Variants in C16orf46 observed in about 807,000 individuals in gnomAD.
C16orf46 encodes the protein chromosome 16 open reading frame 46.
Under a neutral mutation model 5.5 loss-of-function variants are expected in C16orf46, and 7 were observed. That is an observed-to-expected ratio of 1.28 (90% CI 0.73 to 2.40). C16orf46 has a LOEUF of 2.40. C16orf46 is among the 30% of genes most tolerant of loss of function. C16orf46 has a pLI of 0.00. For missense variants in C16orf46, 614 were observed against 476.0 expected (o/e 1.29, Z -2.70); for synonymous variants, 200 against 184.1 (o/e 1.09, Z -0.70).
chr16:81,065,190 C>T (rs543692316), intron 2 of C16orf46, among the ~76,000 whole-genome samples: 3 of 152,196 alleles, frequency 2.0e-5, no homozygotes, highest in Admixed American at 6.5e-5. Context: ...AGGGCTAAAG[C>T]GGCTGCATGC....
Position 81,061,115 on chromosome 16 carries a change from C to T in C16orf46, c.*46G>A. The T allele has an allele frequency of 6.5e-7, 1 of 1,528,954 alleles. No homozygotes were observed. The allele number at this position is 1,528,954 out of a possible 1,614,324, so 94.7% of individuals were successfully genotyped here. On this transcript the variant is annotated 3_prime_UTR_variant, in exon 4 of 4. Coordinates refer to ENST00000299578, the MANE Select transcript of C16orf46 (RefSeq NM_152337.3). ...GAGAGAGAAGAAAGAGAAAGGATGG[C>T]TGCATCTCAAACGGTGCTTATTCCC... is the stretch of plus-strand genomic sequence containing the variant.
rs1193613025 is a variant in C16orf46, at chr16:81,077,154, G to C, written c.-146C>G. On this transcript the variant is annotated 5_prime_UTR_variant, in exon 1 of 4. Coordinates refer to ENST00000299578, the MANE Select transcript of C16orf46 (RefSeq NM_152337.3). Reference sequence around the variant, plus strand: ...CACCTACCTGTGGGGCCAAGCGGATGGAAGGCCCCGAGACAGCTAGTCCCG... The same window carrying C: ...CACCTACCTGTGGGGCCAAGCGGATCGAAGGCCCCGAGACAGCTAGTCCCG... 1 of 152,456 alleles carries C rather than the reference G, an allele frequency of 6.6e-6. No individual in the cohort carries two copies. Among genetic ancestry groups the C allele is most frequent in the Non-Finnish European group, 1.5e-5 (1 of 68,202 alleles). 9.4% of individuals were successfully genotyped at this position (152,456 alleles called of 1,614,324 possible).
chr16:81,059,148 C>T (rs1235726649), downstream of C16orf46, among the ~76,000 whole-genome samples: 1 of 151,688 alleles, frequency 6.6e-6, no homozygotes, highest in Non-Finnish European at 1.5e-5. Flanking sequence ...TCCGGAAACC[C>T]AGTCTCTACT....
At chr16:81,068,248 G>C (rs1438666020) in intron 1 of C16orf46, among the ~76,000 whole-genome samples, 1 of 152,174 alleles carries the variant, frequency 6.6e-6, no homozygotes, top group Non-Finnish European at 1.5e-5. Context: ...AATGAACAAA[G>C]ACAACGGTTA....
chr16:81,061,819 A>G lies in C16orf46; in HGVS notation c.530T>C (p.Ile177Thr). Reference sequence around the variant, plus strand: ...GGCCTTGCCCCTATTAGTGCCGGGGATGGCCCAGTCTTTGTTGCACCAAAT... The same window carrying G: ...GGCCTTGCCCCTATTAGTGCCGGGGGTGGCCCAGTCTTTGTTGCACCAAAT... ...EFIWCNKDWA[I>T]PGTNRGKASG... Residue 177 changes from isoleucine to threonine, a missense_variant, in exon 4 of 4, where the codon ATC becomes ACC. By Grantham distance (89) the Ile-to-Thr change is moderately conservative (BLOSUM62 -1). Coordinates refer to ENST00000299578, the MANE Select transcript of C16orf46 (RefSeq NM_152337.3). 1.2e-6 allele frequency: 2 copies of G among 1,614,162 alleles called. No individual in the cohort carries two copies. The highest frequency in any genetic ancestry group is 1.3e-5 in the African/African-American group (1 of 75,052).
intron 1 of C16orf46, among the ~76,000 whole-genome samples, chr16:81,069,678 T>A (rs909900820): frequency 2.0e-5 from 3 of 152,146 alleles, no homozygotes; most frequent in Admixed American, 2.0e-4. Context: ...ACAAAGAAAA[T>A]AACCCATATC....
chr16:81,073,698 A>G (rs1331965082), intron 1 of C16orf46, among the ~76,000 whole-genome samples: 1 of 152,246 alleles, frequency 6.6e-6, no homozygotes, highest in Admixed American at 6.5e-5. Context: ...GAAGTCAGAG[A>G]TACAAAGCAC....
At position 81,063,941 on chromosome 16, in the gene C16orf46, C is replaced by G. The variant is rs780005894; in HGVS notation, c.15G>C (p.Gln5His). The change falls in exon 3 of 4, where the codon CAG becomes CAC. Residue 5 changes from glutamine to histidine, a missense_variant. Physicochemically the swap from Gln to His is conservative, Grantham distance 24. Coordinates refer to ENST00000299578, the MANE Select transcript of C16orf46 (RefSeq NM_152337.3). Reference sequence around the variant, plus strand: ...CATTTTCTAAGTCAGTCTCATTTTTCTGACAGAGATCCATTACTGTGATGC... The same window carrying G: ...CATTTTCTAAGTCAGTCTCATTTTTGTGACAGAGATCCATTACTGTGATGC... MDLC[Q>H]KNETDLENAE... The G allele has an allele frequency of 6.2e-7, 1 of 1,612,402 alleles. No individual in the cohort carries two copies. The highest frequency in any genetic ancestry group is 1.7e-5 in the Admixed American group (1 of 59,940).
In C16orf46 at chr16:81,061,632, C is replaced by T. The variant is rs1247028147; in HGVS notation, c.717G>A (p.Lys239=). Residue 239 remains lysine (K), a synonymous_variant, in exon 4 of 4, where the codon AAG becomes AAA. Transcript: ENST00000299578. The part of the protein sequence containing the change: ...SKNSFLQSEE[K]VLDVEKDGCV... ...ACCCATCCTTTTCCACATCCAGCAC[C>T]TTCTCTTCTGACTGCAAGAAAGAGT... 1 of 1,614,198 alleles carries T rather than the reference C, an allele frequency of 6.2e-7. No homozygotes were observed. The highest frequency in any genetic ancestry group is 1.7e-5 in the Admixed American group (1 of 60,022).
chr16:81,071,125 T>C (rs1213542041), intron 1 of C16orf46, among the ~76,000 whole-genome samples: 3 of 152,186 alleles, frequency 2.0e-5, no homozygotes, highest in Non-Finnish European at 4.4e-5. Context: ...GTTATATTTG[T>C]TCTGACCTCG....
intron 1 of C16orf46, chr16:81,072,227 A>G (rs1971879170): frequency 6.6e-6 from 1 of 151,890 alleles, no homozygotes; most frequent in Non-Finnish European, 1.5e-5. Flanking sequence ...TCTGTCCTAT[A>G]CAGGTAAGTA....
exon 4 of C16orf46, chr16:81,054,005 T>C (rs1971224270): frequency 6.6e-7 from 1 of 1,514,908 alleles, no homozygotes; most frequent in Non-Finnish European, 9.2e-7. Context: ...GGGTGAAATA[T>C]TTGCTTTTAT....
In C16orf46 at chr16:81,061,082, T is replaced by TGGGAAATGAGAGAGAAGAAAGAGAA; in HGVS notation, c.*54_*78dup. The TGGGAAATGAGAGAGAAGAAAGAGAA allele has an allele frequency of 7.5e-7, 1 of 1,327,520 alleles. No homozygotes were observed. Among genetic ancestry groups the TGGGAAATGAGAGAGAAGAAAGAGAA allele is most frequent in the Non-Finnish European group, 1.0e-6 (1 of 992,692 alleles). The allele number at this position is 1,327,520 out of a possible 1,614,324, so 82.2% of individuals were successfully genotyped here. A position where few individuals can be genotyped will look rare whatever the true frequency, so the allele number is the denominator to read the frequency against. On this transcript the variant is annotated 3_prime_UTR_variant, in exon 4 of 4. Coordinates refer to ENST00000299578, the MANE Select transcript of C16orf46 (RefSeq NM_152337.3). ...AGAGAAAGAGAGAGTGGGGGGTGGG[T>TGGGAAATGAGAGAGAAGAAAGAGAA]GGGAAATGAGAGAGAAGAAAGAGAA...
chr16:81,057,732 T>C (rs995375327), downstream of C16orf46, among the ~76,000 whole-genome samples: 10 of 151,946 alleles, frequency 6.6e-5, no homozygotes, highest in Admixed American at 5.9e-4. Flanking sequence ...AGAGCAAGAC[T>C]GATCAAAACC....
intron 2 of C16orf46, among the ~76,000 whole-genome samples, chr16:81,064,834 C>T (rs1396861818): frequency 6.6e-6 from 1 of 152,018 alleles, no homozygotes; most frequent in Non-Finnish European, 1.5e-5. Flanking sequence ...AACAGAGCCT[C>T]CTCTCACAAC....
chr16:81,062,244 C>T, intron 3 of C16orf46, 106 bp from the exon 4 acceptor site: 1 of 973,024 alleles, frequency 1.0e-6, no homozygotes, highest in Non-Finnish European at 1.4e-6. Context: ...AAACAATATT[C>T]TTATTTTTAT....
downstream of C16orf46, among the ~76,000 whole-genome samples, chr16:81,056,954 C>A (rs1219900682): frequency 6.6e-6 from 1 of 152,076 alleles, no homozygotes; most frequent in Non-Finnish European, 1.5e-5. Flanking sequence ...TTCCCTAAAC[C>A]AGCGGTTCTC....
rs1197813141 is a variant in C16orf46 at position 81,061,498 on chromosome 16, G to A, written c.851C>T (p.Pro284Leu). 9.3e-6 allele frequency: 15 copies of A among 1,613,968 alleles called. No homozygotes were observed. The highest frequency in any genetic ancestry group is 1.1e-5 in the Non-Finnish European group (13 of 1,180,008). Reference protein sequence around the residue: ...MVNDTPSSPSPAAQISLLTDP... With the variant: ...MVNDTPSSPSLAAQISLLTDP... ...GGTCAGCAGGGATATCTGGGCCGCT[G>A]GGGAAGGGGAGGATGGCGTGTCGTT... The change falls in exon 4 of 4, where the codon CCA becomes CTA. Residue 284 changes from proline to leucine, a missense_variant. By Grantham distance (98) the Pro-to-Leu change is moderately conservative. Transcript: ENST00000299578.
At chr16:81,065,751 C>T (rs537549568) in intron 2 of C16orf46, among the ~76,000 whole-genome samples, 31 of 152,208 alleles carry the variant, frequency 2.0e-4, no homozygotes, top group African/African-American at 4.1e-4. Flanking sequence ...AGGAAGAGAT[C>T]GGTACTTCTT....
Sources: gnomAD v4.1 joint callset for allele counts (sites outside exome capture counted in the v4.1 genomes callset) on GRCh38, gnomAD v4.1.1 for gene constraint, MANE v1.5 for transcripts, NCBI Gene and HGNC (gene_info 2026-07-23, HGNC 2026-07-21) for gene names.